ASPH: variants seen among roughly 807,000 people sequenced by gnomAD.
ASPH encodes aspartate beta-hydroxylase, also known as aspartyl/asparaginyl beta-hydroxylase.
A neutral mutation model predicts 118.4 loss-of-function variants in ASPH; 100 were observed. That is an observed-to-expected ratio of 0.84 (90% CI 0.72 to 1.00). The LOEUF is 1.00. Among genes scored for constraint, ASPH ranks in the 50% least tolerant of loss-of-function variants. The pLI, the probability that ASPH is intolerant of heterozygous loss-of-function variation, is 0.00. For missense variants in ASPH, 920 were observed against 919.5 expected (o/e 1.00, Z -0.01); for synonymous variants, 315 against 325.6 (o/e 0.97, Z 0.35).
At chr8:61,679,270 T>C (rs189059961) in intron 3 of ASPH, among the ~76,000 whole-genome samples, 19 of 152,274 alleles carry the variant, frequency 1.2e-4, no homozygotes, top group Admixed American at 7.2e-4. Context: ...TAAACCTTGA[T>C]ATTCACCAAA....
chr8:61,641,529 C>CT (rs994004789), intron 10 of ASPH, among the ~76,000 whole-genome samples: 29 of 152,118 alleles, frequency 1.9e-4, no homozygotes, highest in African/African-American at 7.0e-4. Flanking sequence ...GGTCCAAATT[C>CT]TTTAACTTTT....
intron 3 of ASPH, among the ~76,000 whole-genome samples, chr8:61,667,553 G>C (rs1475704875): frequency 6.6e-6 from 1 of 152,074 alleles, no homozygotes; most frequent in African/African-American, 2.4e-5. Context: ...TTTCAGTTGA[G>C]ACAGGGTTTC....
At chr8:61,603,679 G>A (rs1844768372) in intron 14 of ASPH, among the ~76,000 whole-genome samples, 1 of 152,126 alleles carries the variant, frequency 6.6e-6, no homozygotes, top group South Asian at 2.1e-4. Flanking sequence ...AACTAGTGTG[G>A]GGACACAAAG....
At chr8:61,600,248 G>A (rs950679729) in intron 14 of ASPH, among the ~76,000 whole-genome samples, 3 of 152,168 alleles carry the variant, frequency 2.0e-5, no homozygotes, top group African/African-American at 4.8e-5. Flanking sequence ...TAAAGGCCAT[G>A]TATGACAAAC....
chr8:61,649,167 G>A (rs528600699), intron 5 of ASPH, among the ~76,000 whole-genome samples: 9 of 152,268 alleles, frequency 5.9e-5, no homozygotes, highest in Middle Eastern at 3.4e-3. Flanking sequence ...AAGAAGCCAC[G>A]GTCACACCGA....
intron 24 of ASPH, among the ~76,000 whole-genome samples, chr8:61,511,552 A>G (rs1395085533): frequency 6.6e-6 from 1 of 152,174 alleles, no homozygotes; most frequent in Non-Finnish European, 1.5e-5. Flanking sequence ...TGCTGGGGAC[A>G]TGTTTATCCC....
chr8:61,546,528 T>C (rs1189666624), intron 21 of ASPH, among the ~76,000 whole-genome samples: 1 of 152,236 alleles, frequency 6.6e-6, no homozygotes, highest in Non-Finnish European at 1.5e-5. Flanking sequence ...GTTGTTCTTG[T>C]GCTATTTCTA....
intron 13 of ASPH, chr8:61,626,198 T>C (rs1435100342): frequency 1.5e-5 from 22 of 1,430,636 alleles, no homozygotes; most frequent in Non-Finnish European, 1.9e-5. Flanking sequence ...CTTCACAAGA[T>C]CTATCACAGC....
At chr8:61,577,011 A>G (rs1835376394) in intron 15 of ASPH, among the ~76,000 whole-genome samples, 153 bp from the exon 16 acceptor site, 1 of 152,202 alleles carries the variant, frequency 6.6e-6, no homozygotes, top group Non-Finnish European at 1.5e-5. Flanking sequence ...AAAAAAAGCT[A>G]TATTAAGGCA....
intron 4 of ASPH, among the ~76,000 whole-genome samples, chr8:61,651,898 T>C (rs1365807005): frequency 6.6e-6 from 1 of 152,164 alleles, no homozygotes; most frequent in South Asian, 2.1e-4. Flanking sequence ...CTATGTTCAG[T>C]GAATAGAAGT....
intron 22 of ASPH, among the ~76,000 whole-genome samples, chr8:61,522,593 A>G (rs1439793825): frequency 2.6e-5 from 4 of 152,154 alleles, no homozygotes; most frequent in African/African-American, 9.7e-5. Context: ...TCCTGTTCTC[A>G]TGATAGTGAG....
chr8:61,640,698 A>T (rs1162059952), intron 10 of ASPH, among the ~76,000 whole-genome samples: 1 of 152,238 alleles, frequency 6.6e-6, no homozygotes, highest in Middle Eastern at 3.2e-3. Context: ...AACAGGAACC[A>T]TGGGTGTTCT....
At position 61,518,028 on chromosome 8, in the gene ASPH, G is replaced by GTA. The variant is rs1235959746; in HGVS notation, c.1992+2_1992+3dup. Reference sequence around the variant, plus strand: ...TATTCTCCCCAGCACGACACTCTTGGTACCTGTCCTCTTCTGCATCCTGTT... The same window carrying GTA: ...TATTCTCCCCAGCACGACACTCTTGGTATACCTGTCCTCTTCTGCATCCTGTT... On this transcript the variant is annotated splice_donor_region_variant and intron_variant, in intron 23 of 24. Transcript: ENST00000379454. 5 of 1,609,682 alleles carry GTA rather than the reference G, an allele frequency of 3.1e-6. No individual in the cohort carries two copies. Among genetic ancestry groups the GTA allele is most frequent in the Non-Finnish European group, 4.3e-6 (5 of 1,176,280 alleles).
At chr8:61,633,379 GTCAA>G (rs767995175) in intron 13 of ASPH, 33 of 209,866 alleles carry the variant, frequency 1.6e-4, no homozygotes, top group Non-Finnish European at 2.8e-4. Flanking sequence ...CAAATAGCCT[GTCAA>G]TCAAAGAGGA....
At chr8:61,581,425 C>G (rs16927584) in intron 15 of ASPH, among the ~76,000 whole-genome samples, 12,465 of 152,296 alleles carry the variant, frequency 0.082, 693 homozygotes, top group East Asian at 0.21. Flanking sequence ...GTAGGCCACA[C>G]TGTGTTGACA....
At chr8:61,584,399 A>C (rs1322405005) in intron 14 of ASPH, among the ~76,000 whole-genome samples, 1 of 152,148 alleles carries the variant, frequency 6.6e-6, no homozygotes, top group Non-Finnish European at 1.5e-5. Context: ...GTTTTTTTGA[A>C]TATGTCCACA....
chr8:61,697,974 T>A (rs1028723337), intron 1 of ASPH, among the ~76,000 whole-genome samples: 6 of 151,322 alleles, frequency 4.0e-5, no homozygotes, highest in African/African-American at 1.5e-4. Flanking sequence ...AAAAAAAAAA[T>A]GTCTTGTAAA....
At chr8:61,617,103 G>A (rs1849303213) in intron 14 of ASPH, among the ~76,000 whole-genome samples, 1 of 152,206 alleles carries the variant, frequency 6.6e-6, no homozygotes, top group Admixed American at 6.5e-5. Flanking sequence ...AGTCTAGAGT[G>A]CAGGCAAAAG....
intron 18 of ASPH, 40 bp downstream of exon 18, chr8:61,562,704 G>T (rs1830423859): frequency 1.3e-6 from 2 of 1,524,492 alleles, no homozygotes; most frequent in Non-Finnish European, 1.8e-6. Flanking sequence ...AATAGCCTTA[G>T]AACTTAATTT....
Sources: allele counts gnomAD v4.1 joint callset (sites outside exome capture counted in the v4.1 genomes callset), GRCh38; gene constraint gnomAD v4.1.1; transcripts MANE v1.5; gene names NCBI Gene and HGNC (gene_info 2026-07-23, HGNC 2026-07-21).